DEPTOR: variants seen among roughly 807,000 people sequenced by gnomAD.
The protein encoded by DEPTOR is DEP domain-containing mTOR-interacting protein.
DEPTOR carries 41 observed loss-of-function variants against 41.6 expected under a neutral mutation model. That is an observed-to-expected ratio of 0.98 (90% CI 0.77 to 1.28). The LOEUF (loss-of-function observed/expected upper bound fraction) is 1.28, where lower values mean the gene tolerates loss of function less well. DEPTOR is among the 50% of genes most tolerant of loss of function. The probability of loss-of-function intolerance (pLI) is 0.00; values close to 1 mark genes in which losing one functional copy is unlikely to be tolerated. For synonymous variants in DEPTOR, 195 were observed against 192.3 expected (o/e 1.01, Z -0.12); for missense variants, 514 against 527.9 (o/e 0.97, Z 0.26).
rs187948444 is a variant in DEPTOR, at chr8:119,897,498, A to G, written c.122+23530A>G. Among the ~76,000 whole-genome samples the G allele has an allele frequency of 9.8e-4, 149 of 152,244 alleles. 2 individuals carry two copies. Among genetic ancestry groups the G allele is most frequent in the South Asian group, 1.9e-3 (9 of 4,826 alleles). ...CAGTGAGCTGAGATTGCACCATTGC[A>G]CTCCAGCCTGGTTGACAGGGTGAGA... On this transcript the variant is annotated intron_variant, in intron 1 of 8. Transcript: ENST00000286234.
intron 8 of DEPTOR, among the ~76,000 whole-genome samples, chr8:120,039,084 C>T (rs561146590): frequency 3.3e-5 from 5 of 152,290 alleles, no homozygotes; most frequent in African/African-American, 1.2e-4. Flanking sequence ...TCAAAGCGAT[C>T]AGGTATTAGA....
chr8:120,027,234 AAATAATAAT>A (rs10529651), intron 8 of DEPTOR, among the ~76,000 whole-genome samples: 2 of 145,100 alleles, frequency 1.4e-5, no homozygotes, highest in African/African-American at 2.5e-5. Context: ...AATAAAAATA[AAATAATAAT>A]AATAATAATA....
intron 1 of DEPTOR, among the ~76,000 whole-genome samples, chr8:119,884,296 G>C (rs1827335989): frequency 6.6e-6 from 1 of 152,150 alleles, no homozygotes; most frequent in Non-Finnish European, 1.5e-5. Context: ...GACCTCAAGT[G>C]ATCTGCCCAC....
At chr8:119,934,532 T>A (rs1025711209) in intron 3 of DEPTOR, among the ~76,000 whole-genome samples, 1 of 152,148 alleles carries the variant, frequency 6.6e-6, no homozygotes, top group African/African-American at 2.4e-5. Context: ...ACTAAATCTC[T>A]GTGATCTGCA....
chr8:119,910,538 C>T (rs532083823), intron 1 of DEPTOR, among the ~76,000 whole-genome samples: 37 of 151,936 alleles, frequency 2.4e-4, no homozygotes, highest in African/African-American at 3.6e-4. Context: ...CTACAACCTC[C>T]GCCTCCCGGT....
chr8:119,930,760 TG>T (rs1828032049), intron 3 of DEPTOR, among the ~76,000 whole-genome samples: 1 of 152,042 alleles, frequency 6.6e-6, no homozygotes, highest in African/African-American at 2.4e-5. Flanking sequence ...ATCTTCTGAG[TG>T]GCCATCTCTG....
At position 119,926,296 on chromosome 8, in the gene DEPTOR, A is replaced by T. The variant is rs200846700; in HGVS notation, c.123-2104A>T. On this transcript the variant is annotated intron_variant, in intron 1 of 8. Coordinates refer to ENST00000286234, the MANE Select transcript of DEPTOR (RefSeq NM_022783.4). ...ATAAACATGATGATTCAGGTGCTCT[A>T]AAAAAATCACACAACTAGCTTTCCC... Among the ~76,000 whole-genome samples, 8 of 152,110 alleles carry T rather than the reference A, an allele frequency of 5.3e-5. No homozygotes were observed. In the East Asian group the frequency reaches 1.6e-3, roughly 30 times the overall value.
Position 119,960,623 on chromosome 8 carries a change from TTTC to T in DEPTOR, c.426-4606_426-4604del, listed in dbSNP as rs550465753. On this transcript the variant is annotated intron_variant, in intron 3 of 8. Transcript: ENST00000286234. ...AACACTTTATGTACACTGTACATTA[TTTC>T]TTATTACAAAGTTGTTTCATTCACA... Among the ~76,000 whole-genome samples, 3 of 152,330 alleles carry T rather than the reference TTTC, an allele frequency of 2.0e-5. No homozygotes were observed. The South Asian group carries it at 6.2e-4, about 32-fold the overall frequency.
chr8:120,028,944 A>T (rs533274045), intron 8 of DEPTOR, among the ~76,000 whole-genome samples: 2 of 151,870 alleles, frequency 1.3e-5, no homozygotes, highest in Non-Finnish European at 2.9e-5. Context: ...AACTAGCCAG[A>T]CGTGATGGCA....
intron 1 of DEPTOR, among the ~76,000 whole-genome samples, chr8:119,880,035 G>T (rs900238688): frequency 6.6e-6 from 1 of 151,612 alleles, no homozygotes. Flanking sequence ...CCAGCTACTT[G>T]GGAGGCTGAG....
chr8:119,884,373 T>C (rs1456744033), intron 1 of DEPTOR, among the ~76,000 whole-genome samples: 2 of 152,184 alleles, frequency 1.3e-5, no homozygotes, highest in East Asian at 3.9e-4. Context: ...CATTTTATTA[T>C]GTATGAAGTT....
In DEPTOR at chr8:119,953,948, G is replaced by A. The variant is rs79755793; in HGVS notation, c.426-11284G>A. 3.5e-3 allele frequency among the ~76,000 whole-genome samples: 537 copies of A among 151,782 alleles called. 2 individuals carry two copies. Among genetic ancestry groups the A allele is most frequent in the African/African-American group, 0.011 (473 of 41,414 alleles). On this transcript the variant is annotated intron_variant, in intron 3 of 8. Coordinates refer to ENST00000286234, the MANE Select transcript of DEPTOR (RefSeq NM_022783.4). The stretch of plus-strand genomic sequence containing the variant: ...ACCTCCCGAGTATCTGAGATTACAG[G>A]TGCCCACCACCACGCCCGGCTAATT...
chr8:119,969,353 T>G (rs1424872771), intron 4 of DEPTOR, among the ~76,000 whole-genome samples: 86 of 149,256 alleles, frequency 5.8e-4, no homozygotes, highest in African/African-American at 2.1e-3. Flanking sequence ...CTGTTTTGTT[T>G]TTTTTTGTTT....
At chr8:120,019,429 C>T (rs930464306) in intron 8 of DEPTOR, among the ~76,000 whole-genome samples, 1 of 152,206 alleles carries the variant, frequency 6.6e-6, no homozygotes, top group African/African-American at 2.4e-5. Context: ...TCCAGAGACC[C>T]CCTTGTGCCT....
chr8:120,042,673 G>A (rs558467974), intron 8 of DEPTOR, among the ~76,000 whole-genome samples: 23 of 146,808 alleles, frequency 1.6e-4, no homozygotes, highest in African/African-American at 5.8e-4. Flanking sequence ...CATGCACCAC[G>A]ATGCCTGGCT....
chr8:120,018,467 T>C (rs1973732), intron 8 of DEPTOR, among the ~76,000 whole-genome samples: 1 of 151,830 alleles, frequency 6.6e-6, no homozygotes, highest in Non-Finnish European at 1.5e-5. Flanking sequence ...CAATCCCAGC[T>C]ACTAGGGAGG....
intron 8 of DEPTOR, among the ~76,000 whole-genome samples, chr8:120,021,090 G>T (rs193270086): frequency 5.4e-5 from 1 of 18,578 alleles, no homozygotes; most frequent in African/African-American, 1.7e-4. Flanking sequence ...AAATAAAATA[G>T]GGCTGATAAT....
intron 1 of DEPTOR, 46 bp downstream of exon 1, chr8:119,874,014 C>T (rs369806888): frequency 7.6e-5 from 123 of 1,610,580 alleles, no homozygotes; most frequent in Non-Finnish European, 9.8e-5. Context: ...GCACTGCCAA[C>T]GCGTGCCCGC....
chr8:119,908,443 A>T (rs1020034287), intron 1 of DEPTOR, among the ~76,000 whole-genome samples: 26 of 151,994 alleles, frequency 1.7e-4, no homozygotes, highest in South Asian at 8.3e-4. Flanking sequence ...GAAAAAAAAA[A>T]TTTTTTTTAA....
Sources: gnomAD v4.1 joint callset for allele counts (sites outside exome capture counted in the v4.1 genomes callset) on GRCh38, gnomAD v4.1.1 for gene constraint, MANE v1.5 for transcripts, NCBI Gene and HGNC (gene_info 2026-07-23, HGNC 2026-07-21) for gene names.